The following SYNCRIP variants were observed in gnomAD, a reference collection of about 807,000 sequenced individuals.
SYNCRIP encodes heterogeneous nuclear ribonucleoprotein Q.
A neutral mutation model predicts 68.9 loss-of-function variants in SYNCRIP; 9 were observed. The observed-to-expected ratio is 0.13, with a 90% CI of 0.08 to 0.23. The LOEUF is 0.23. SYNCRIP is among the 10% of genes least tolerant of loss of function. The pLI is 1.00. For missense variants in SYNCRIP, 414 were observed against 770.6 expected, an observed-to-expected ratio of 0.54 and a Z score of 5.48; for synonymous variants, 258 against 254.0, an observed-to-expected ratio of 1.02 and a Z score of -0.15.
At chr6:85,611,721 A>C (rs1805261475), downstream of SYNCRIP, 5 of 152,484 alleles carry the variant, frequency 3.3e-5, no homozygotes, top group Admixed American at 1.3e-4. Context: ...ACTCTACTCT[A>C]CAAGTTATCA....
intron 8 of SYNCRIP, among the ~76,000 whole-genome samples, chr6:85,619,899 C>G (rs545605672): frequency 1.3e-5 from 2 of 152,262 alleles, no homozygotes; most frequent in African/African-American, 4.8e-5. Flanking sequence ...GAGTTGAAAA[C>G]TTACATGCAC....
intron 7 of SYNCRIP, 97 bp downstream of exon 7, chr6:85,623,880 T>C (rs762947028): frequency 3.9e-5 from 56 of 1,430,776 alleles, no homozygotes; most frequent in Non-Finnish European, 5.0e-5. Flanking sequence ...ATTCGATGAG[T>C]CAATAAATGT....
At chr6:85,617,093 T>G (rs1323689858) in intron 10 of SYNCRIP, among the ~76,000 whole-genome samples, 1 of 152,048 alleles carries the variant, frequency 6.6e-6, no homozygotes, top group Non-Finnish European at 1.5e-5. Context: ...CCCAAGGAAG[T>G]TGACTTCTGA....
chr6:85,631,915 C>T (rs746957160), intron 6 of SYNCRIP, among the ~76,000 whole-genome samples: 25 of 152,200 alleles, frequency 1.6e-4, no homozygotes, highest in Non-Finnish European at 3.2e-4. Flanking sequence ...AAGCTCCTGT[C>T]CCTTAACAAG....
intron 6 of SYNCRIP, among the ~76,000 whole-genome samples, chr6:85,631,355 A>AAAAAAAG (rs1807759782): frequency 6.6e-6 from 1 of 150,906 alleles, no homozygotes; most frequent in African/African-American, 2.4e-5. Flanking sequence ...AAAAAAAAAA[A>AAAAAAAG]GGCCATGGCT....
At chr6:85,640,683 A>C in intron 2 of SYNCRIP, 119 bp from the exon 3 acceptor site, 1 of 528,654 alleles carries the variant, frequency 1.9e-6, no homozygotes, top group Non-Finnish European at 3.2e-6. Context: ...CCTCATCTAT[A>C]CCTGAAAAAA....
downstream of SYNCRIP, chr6:85,609,434 T>G (rs1805074219): frequency 6.6e-6 from 1 of 151,924 alleles, no homozygotes; most frequent in South Asian, 2.1e-4. Flanking sequence ...CATCAATCCA[T>G]TTCTATGTTG....
intron 4 of SYNCRIP, among the ~76,000 whole-genome samples, chr6:85,638,312 C>T (rs1289280808): frequency 4.0e-5 from 5 of 124,856 alleles, no homozygotes; most frequent in Admixed American, 2.2e-4. Flanking sequence ...CCTGGAGGGG[C>T]GGAGGTTGCA....
chr6:85,634,956 G>T (rs1270481964), intron 6 of SYNCRIP, among the ~76,000 whole-genome samples: 1 of 152,102 alleles, frequency 6.6e-6, no homozygotes, highest in Non-Finnish European at 1.5e-5. Context: ...GATTACTTGA[G>T]GTCTGGAGTT....
intron 6 of SYNCRIP, among the ~76,000 whole-genome samples, chr6:85,626,890 C>T (rs1807098826): frequency 6.6e-6 from 1 of 152,148 alleles, no homozygotes. Flanking sequence ...TGGATGTGGT[C>T]TCTGAACAAC....
chr6:85,628,402 TACTTCCTTA>T, intron 6 of SYNCRIP, among the ~76,000 whole-genome samples: 1 of 152,214 alleles, frequency 6.6e-6, no homozygotes, highest in Non-Finnish European at 1.5e-5. Context: ...AGCCAAAATC[TACTTCCTTA>T]AATAAACCTA....
In SYNCRIP at chr6:85,619,248, T is replaced by C. The variant is rs761257002; in HGVS notation, c.1158+20A>G. On this transcript the variant is annotated intron_variant, in intron 9 of 10. Transcript: ENST00000369622. ...AATTTGTTAGTCTGATTTAGATGCC[T>C]GTAATTCCACCATATTTACCTTGAC... The C allele has an allele frequency of 1.2e-6, 2 of 1,612,128 alleles. No individual in the cohort carries two copies. Among genetic ancestry groups the C allele is most frequent in the South Asian group, 2.2e-5 (2 of 90,610 alleles).
intron 6 of SYNCRIP, among the ~76,000 whole-genome samples, chr6:85,629,161 CA>C (rs892376688): frequency 6.6e-6 from 1 of 152,104 alleles, no homozygotes; most frequent in African/African-American, 2.4e-5. Context: ...TTTATTTCCA[CA>C]AAACACTGCT....
At chr6:85,608,720 T>C (rs1004499500) in exon 12 of SYNCRIP, 5 of 152,094 alleles carry the variant, frequency 3.3e-5, no homozygotes, top group Admixed American at 1.3e-4. Context: ...ACCAGACTAC[T>C]GTTAATATTA....
At chr6:85,633,336 C>G (rs1232396909) in intron 6 of SYNCRIP, among the ~76,000 whole-genome samples, 1 of 151,986 alleles carries the variant, frequency 6.6e-6, no homozygotes, top group East Asian at 1.9e-4. Flanking sequence ...GTGGCTCACA[C>G]CTGTACTCCC....
At chr6:85,618,992 T>C in intron 9 of SYNCRIP, 53 bp from the exon 10 acceptor site, 1 of 1,538,640 alleles carries the variant, frequency 6.5e-7, no homozygotes, top group Admixed American at 1.9e-5. Flanking sequence ...ACAATTATGA[T>C]TCATTTAAAG....
intron 10 of SYNCRIP, 57 bp downstream of exon 10, chr6:85,618,761 A>G: frequency 1.4e-6 from 2 of 1,422,962 alleles, no homozygotes; most frequent in Non-Finnish European, 1.9e-6. Flanking sequence ...GTTATTTTCC[A>G]ATTAGTGTAT....
intron 6 of SYNCRIP, among the ~76,000 whole-genome samples, chr6:85,625,349 A>G (rs958493029): frequency 1.3e-5 from 2 of 148,816 alleles, no homozygotes; most frequent in Non-Finnish European, 3.0e-5. Flanking sequence ...TCTCTCAAAT[A>G]CCTTTTTATA....
intron 10 of SYNCRIP, 86 bp downstream of exon 10, chr6:85,618,732 A>G (rs985436413): frequency 1.8e-5 from 21 of 1,181,330 alleles, no homozygotes; most frequent in Non-Finnish European, 2.5e-5. Context: ...TATGCATTTA[A>G]CAAGTCTGAT....
Sources: allele counts gnomAD v4.1 joint callset (sites outside exome capture counted in the v4.1 genomes callset), GRCh38; gene constraint gnomAD v4.1.1; transcripts MANE v1.5; gene names NCBI Gene and HGNC (gene_info 2026-07-23, HGNC 2026-07-21).